GPR158: variants seen among roughly 807,000 people sequenced by gnomAD.
GPR158 encodes G protein-coupled receptor 158, also known as metabotropic glycine receptor.
A neutral mutation model predicts 78.2 loss-of-function variants in GPR158; 30 were observed. The observed-to-expected ratio is 0.38, with a 90% CI of 0.29 to 0.52. The LOEUF (loss-of-function observed/expected upper bound fraction) is 0.52, where lower values mean the gene tolerates loss of function less well. GPR158 is among the 20% of genes least tolerant of loss of function. The pLI is 0.83. For missense variants in GPR158, 1,463 were observed against 1,523.5 expected (o/e 0.96, Z 0.66); for synonymous variants, 581 against 591.1 (o/e 0.98, Z 0.25).
At chr10:25,455,704 AAT>A (rs1289669262) in intron 4 of GPR158, among the ~76,000 whole-genome samples, 5 of 152,184 alleles carry the variant, frequency 3.3e-5, no homozygotes, top group African/African-American at 1.2e-4. Context: ...TTCATGATAG[AAT>A]ATATGAGACT....
chr10:25,597,824 T>C lies in GPR158; in HGVS notation c.2198T>C (p.Met733Thr), dbSNP rs1235890571. 1 of 1,524,268 alleles carries C rather than the reference T, an allele frequency of 6.6e-7. No homozygotes were observed. The highest frequency in any genetic ancestry group is 1.4e-5 in the African/African-American group (1 of 71,750). The allele number at this position is 1,524,268 out of a possible 1,614,324, so 94.4% of individuals were successfully genotyped here. A position where few individuals can be genotyped will look rare whatever the true frequency, so the allele number is the denominator to read the frequency against. ...AQLEIYKRKK[M>T]ITNNPHLQKK... ...CTGGAAATATATAAAAGAAAGAAGA[T>C]GATCACAAACAACCCCCACCTCCAG... The change falls in exon 11 of 11, where the codon ATG becomes ACG. Residue 733 changes from methionine (M) to threonine (T), a missense_variant. Physicochemically the swap from Met to Thr is moderately conservative, Grantham distance 81. Coordinates refer to ENST00000376351, the MANE Select transcript of GPR158 (RefSeq NM_020752.3).
intron 1 of GPR158, among the ~76,000 whole-genome samples, chr10:25,192,215 C>T (rs1397000637): frequency 1.3e-5 from 2 of 152,134 alleles, no homozygotes; most frequent in East Asian, 1.9e-4. Flanking sequence ...GTAGTCCCTC[C>T]TGGGTTCATT....
chr10:25,175,826 C>G lies in GPR158; in HGVS notation c.406C>G (p.Leu136Val). Residue 136 changes from leucine to valine, a missense_variant, in exon 1 of 11, where the codon CTC becomes GTC. Physicochemically the swap from Leu to Val is conservative, Grantham distance 32 (BLOSUM62 1). Transcript: ENST00000376351. This position sits in a 1 kb window ranked among gnomAD's most constrained non-coding sequence, Gnocchi z 6.4. ...CACACTGACACACGCCACCAACTTC[C>G]TCAACGTGATGCTGCAGAGCAATAA... ...LDTLTHATNFLNVMLQSNKSR... is the reference protein window; with the variant it reads ...LDTLTHATNFVNVMLQSNKSR... 1 of 1,613,196 alleles carries G rather than the reference C, an allele frequency of 6.2e-7. No individual in the cohort carries two copies.
chr10:25,363,611 G>A (rs562653266), intron 2 of GPR158, among the ~76,000 whole-genome samples: 65 of 152,082 alleles, frequency 4.3e-4, no homozygotes, highest in Admixed American at 8.5e-4. Context: ...GTAATGAGAT[G>A]TGATCTGATT....
intron 2 of GPR158, among the ~76,000 whole-genome samples, chr10:25,254,399 C>G (rs1026739111): frequency 6.6e-5 from 10 of 152,020 alleles, no homozygotes; most frequent in Admixed American, 3.3e-4. Flanking sequence ...AGCTTATCAC[C>G]TGAAAAAACA....
At chr10:25,450,316 G>A (rs1222922393) in intron 4 of GPR158, among the ~76,000 whole-genome samples, 2 of 151,668 alleles carry the variant, frequency 1.3e-5, no homozygotes, top group African/African-American at 4.8e-5. Flanking sequence ...GCAAGCCGGG[G>A]CTGTTCTGTG....
chr10:25,250,943 C>T (rs962719507), intron 2 of GPR158, among the ~76,000 whole-genome samples: 14 of 150,388 alleles, frequency 9.3e-5, no homozygotes, highest in African/African-American at 1.7e-4. Context: ...ATTGTGTGGG[C>T]GTCTAAGTCT....
At chr10:25,328,035 C>T (rs897775069) in intron 2 of GPR158, among the ~76,000 whole-genome samples, 1 of 152,142 alleles carries the variant, frequency 6.6e-6, no homozygotes, top group African/African-American at 2.4e-5. Flanking sequence ...ACAGTGTTAA[C>T]AGTATAACTA....
intron 2 of GPR158, among the ~76,000 whole-genome samples, chr10:25,313,418 A>G (rs1854796779): frequency 6.6e-6 from 1 of 152,166 alleles, no homozygotes; most frequent in Admixed American, 6.5e-5. Flanking sequence ...GTTTAAAAAA[A>G]GAAAAACACT....
chr10:25,594,219 G>A, intron 8 of GPR158, 73 bp from the exon 9 acceptor site: 1 of 797,150 alleles, frequency 1.3e-6, no homozygotes, highest in Admixed American at 1.9e-5. Context: ...GGAAAAAAGA[G>A]TTCCCAAGTA....
intron 3 of GPR158, among the ~76,000 whole-genome samples, chr10:25,406,678 T>C (rs904153142): frequency 6.6e-6 from 1 of 152,202 alleles, no homozygotes; most frequent in Admixed American, 6.5e-5. Context: ...GTTACAACAA[T>C]TTAATTAGTT....
intron 4 of GPR158, among the ~76,000 whole-genome samples, chr10:25,418,062 G>A (rs1490255685): frequency 6.6e-6 from 1 of 152,172 alleles, no homozygotes; most frequent in Non-Finnish European, 1.5e-5. Flanking sequence ...GTCAAACCTA[G>A]CAGCTGAACC....
At chr10:25,555,526 CCTG>C (rs1473507759) in intron 6 of GPR158, among the ~76,000 whole-genome samples, 3 of 152,116 alleles carry the variant, frequency 2.0e-5, no homozygotes, top group African/African-American at 7.2e-5. Context: ...ACAGAACCCC[CCTG>C]CTAAGCAATT....
chr10:25,255,688 T>C (rs1383668406), intron 2 of GPR158, among the ~76,000 whole-genome samples: 1 of 152,242 alleles, frequency 6.6e-6, no homozygotes, highest in Non-Finnish European at 1.5e-5. Flanking sequence ...ACAGCCTGGA[T>C]GGCTGTCTTC....
At chr10:25,230,595 A>T (rs1344727760) in intron 2 of GPR158, among the ~76,000 whole-genome samples, 2 of 152,186 alleles carry the variant, frequency 1.3e-5, no homozygotes, top group East Asian at 3.8e-4. Context: ...TGATGTGATA[A>T]CTGTCTTCAA....
intron 6 of GPR158, among the ~76,000 whole-genome samples, chr10:25,569,311 GGA>G (rs1205283549): frequency 6.6e-6 from 1 of 152,128 alleles, no homozygotes; most frequent in Non-Finnish European, 1.5e-5. Context: ...TACTGTAACT[GGA>G]ATCGTAGATT....
intron 2 of GPR158, among the ~76,000 whole-genome samples, chr10:25,288,184 G>A (rs2130761471): frequency 6.6e-6 from 1 of 152,322 alleles, no homozygotes. Flanking sequence ...CAGGCACTGT[G>A]AGGTCAACCA....
At chr10:25,332,328 G>T (rs1396945666) in intron 2 of GPR158, among the ~76,000 whole-genome samples, 3 of 152,196 alleles carry the variant, frequency 2.0e-5, no homozygotes, top group African/African-American at 7.2e-5. Flanking sequence ...CACCAATTTG[G>T]TGATATTGAC....
At chr10:25,312,104 G>C (rs2807250) in intron 2 of GPR158, among the ~76,000 whole-genome samples, 2 of 151,714 alleles carry the variant, frequency 1.3e-5, no homozygotes, top group African/African-American at 4.8e-5. Flanking sequence ...TCAGAAAGTT[G>C]TGGATATTTT....
Sources: gnomAD v4.1 joint callset for allele counts (sites outside exome capture counted in the v4.1 genomes callset) on GRCh38, gnomAD v4.1.1 for gene constraint, Gnocchi (gnomAD v3.1) non-coding constraint, MANE v1.5 for transcripts, NCBI Gene and HGNC (gene_info 2026-07-23, HGNC 2026-07-21) for gene names.